The following NRXN1 variants were observed in gnomAD, a reference collection of about 807,000 sequenced individuals.
NRXN1 encodes the protein neurexin 1.
In NRXN1, 39 loss-of-function variants were observed where a neutral mutation model predicts 150.9. That is an observed-to-expected ratio of 0.26 (90% CI 0.20 to 0.34). The LOEUF (loss-of-function observed/expected upper bound fraction) is 0.34, where lower values mean the gene tolerates loss of function less well. NRXN1 is among the 10% of genes least tolerant of loss of function. NRXN1 has a pLI of 1.00. For missense variants in NRXN1, 1,815 were observed against 1,949.9 expected, an observed-to-expected ratio of 0.93 and a Z score of 1.30; for synonymous variants, 924 against 757.0, an observed-to-expected ratio of 1.22 and a Z score of -3.62.
intron 21 of NRXN1, among the ~76,000 whole-genome samples, chr2:49,963,088 A>T (rs763588757): frequency 1.3e-5 from 2 of 152,220 alleles, no homozygotes; most frequent in Non-Finnish European, 2.9e-5. Context: ...GGATGCTGCC[A>T]TTTCTGCCCA....
intron 2 of NRXN1, among the ~76,000 whole-genome samples, chr2:51,022,723 A>G (rs923389801): frequency 2.6e-5 from 4 of 152,150 alleles, no homozygotes; most frequent in African/African-American, 9.7e-5. Flanking sequence ...TACTTATATA[A>G]TAACTACTTA....
At chr2:50,145,299 TAC>T (rs3050734) in intron 18 of NRXN1, among the ~76,000 whole-genome samples, 47,868 of 150,678 alleles carry the variant, frequency 0.32, 7,954 homozygotes, top group Non-Finnish European at 0.37. Flanking sequence ...TCCACACAAA[TAC>T]ACACACACAC....
chr2:50,491,772 A>C (rs534682486), intron 15 of NRXN1, among the ~76,000 whole-genome samples: 2 of 152,240 alleles, frequency 1.3e-5, no homozygotes, highest in African/African-American at 4.8e-5. Context: ...GGAATCTTTA[A>C]TTTTCCCCCT....
intron 17 of NRXN1, among the ~76,000 whole-genome samples, chr2:50,379,154 AT>A (rs1342424254): frequency 1.2e-4 from 18 of 152,294 alleles, no homozygotes; most frequent in Admixed American, 1.1e-3. Flanking sequence ...AGAGAAAGGC[AT>A]TATTCAGAGG....
chr2:50,274,967 A>C (rs952081419), intron 17 of NRXN1, among the ~76,000 whole-genome samples: 3 of 152,196 alleles, frequency 2.0e-5, no homozygotes, highest in Non-Finnish European at 2.9e-5. Context: ...AATTGATGTC[A>C]GATAGCTTAG....
At chr2:50,245,968 A>G (rs749228375) in intron 17 of NRXN1, among the ~76,000 whole-genome samples, 7 of 151,806 alleles carry the variant, frequency 4.6e-5, no homozygotes, top group Non-Finnish European at 1.0e-4. Context: ...ACTAATTCTT[A>G]TTTAGAAAAA....
Position 50,905,448 on chromosome 2 carries a change from T to A in NRXN1, c.832+16421A>T, listed in dbSNP as rs139359737. On this transcript the variant is annotated intron_variant, in intron 5 of 22. Coordinates refer to ENST00000401669, the MANE Select transcript of NRXN1 (RefSeq NM_001330078.2). Reference sequence around the variant, plus strand: ...TTTGGAGAGGCTATGTGCTGCCCAGTGACTTTCAAATTCAATTAAAAATAA... The same window carrying A: ...TTTGGAGAGGCTATGTGCTGCCCAGAGACTTTCAAATTCAATTAAAAATAA... 5.3e-5 allele frequency among the ~76,000 whole-genome samples: 8 copies of A among 152,262 alleles called. No homozygotes were observed. In the East Asian group the frequency reaches 1.4e-3, roughly 26 times the overall value.
chr2:50,033,213 C>T (rs755700067), intron 21 of NRXN1, among the ~76,000 whole-genome samples: 1 of 151,934 alleles, frequency 6.6e-6, no homozygotes, highest in Non-Finnish European at 1.5e-5. Flanking sequence ...ATCATGCTAC[C>T]TGATTTCAAA....
chr2:49,997,003 A>G (rs946308447), intron 21 of NRXN1, among the ~76,000 whole-genome samples: 3 of 152,224 alleles, frequency 2.0e-5, no homozygotes, highest in Non-Finnish European at 2.9e-5. Flanking sequence ...TTTTTATAAA[A>G]TATATTTGCC....
intron 8 of NRXN1, among the ~76,000 whole-genome samples, chr2:50,580,927 T>C (rs1237018526): frequency 6.6e-6 from 1 of 152,158 alleles, no homozygotes; most frequent in African/African-American, 2.4e-5. Flanking sequence ...TCTTAGAATA[T>C]GGCCATACAC....
At chr2:50,255,130 C>T (rs1013541371) in intron 17 of NRXN1, among the ~76,000 whole-genome samples, 2 of 151,790 alleles carry the variant, frequency 1.3e-5, no homozygotes, top group African/African-American at 2.4e-5. Context: ...TTTATAATAA[C>T]GGTTATAAAA....
Position 50,693,146 on chromosome 2 carries a change from G to A in NRXN1, c.833-69531C>T, listed in dbSNP as rs932346162. Among the ~76,000 whole-genome samples, 8 of 152,044 alleles carry A rather than the reference G, an allele frequency of 5.3e-5. No homozygotes were observed. In the East Asian group the frequency reaches 7.7e-4, roughly 15 times the overall value. ...AGTTTCTGATAGGCCAAGGTTTTTCGTATCACAAGGAGAAAGTAGATTTAA... is the reference window on the plus strand; with the variant it reads ...AGTTTCTGATAGGCCAAGGTTTTTCATATCACAAGGAGAAAGTAGATTTAA... On this transcript the variant is annotated intron_variant, in intron 5 of 22. Transcript: ENST00000401669.
At chr2:49,952,800 A>G (rs988728722) in intron 21 of NRXN1, among the ~76,000 whole-genome samples, 4 of 152,118 alleles carry the variant, frequency 2.6e-5, no homozygotes, top group Non-Finnish European at 4.4e-5. Flanking sequence ...TGTCTTCACA[A>G]TGTAAGTGCC....
Position 51,027,782 on chromosome 2 carries a change from G to A in NRXN1, c.492C>T (p.Ala164=), listed in dbSNP as rs201180707. 5.1e-5 allele frequency: 82 copies of A among 1,612,744 alleles called. No homozygotes were observed. Among genetic ancestry groups the A allele is most frequent in the South Asian group, 2.4e-4 (22 of 90,926 alleles). Reference sequence around the variant, plus strand: ...AGGCCAGGGTGAGCTTGAGCGCCGCGGCGCGCAGTTCCGGGGGCAGCCCCC... The same window carrying A: ...AGGCCAGGGTGAGCTTGAGCGCCGCAGCGCGCAGTTCCGGGGGCAGCCCCC... ...FVGGLPPELR[A]AALKLTLASV... Residue 164 remains alanine, a synonymous_variant, in exon 2 of 23, where the codon GCC becomes GCT. Coordinates refer to ENST00000401669, the MANE Select transcript of NRXN1 (RefSeq NM_001330078.2).
chr2:50,981,093 T>C (rs1163529745), intron 2 of NRXN1, among the ~76,000 whole-genome samples: 2 of 152,094 alleles, frequency 1.3e-5, no homozygotes, highest in Non-Finnish European at 2.9e-5. Context: ...CAAGCCCTTC[T>C]GTTGAGGCAG....
chr2:50,736,476 C>T (rs1234881314), intron 5 of NRXN1, among the ~76,000 whole-genome samples: 2 of 152,046 alleles, frequency 1.3e-5, no homozygotes, highest in Non-Finnish European at 2.9e-5. Flanking sequence ...TGTGTCCCCA[C>T]CCAAATCTTA....
intron 21 of NRXN1, among the ~76,000 whole-genome samples, chr2:50,045,598 A>G (rs10169067): frequency 0.33 from 49,454 of 152,120 alleles, 8,450 homozygotes; most frequent in Non-Finnish European, 0.37. Context: ...TAACACAAAC[A>G]TAGGTATGTA....
At chr2:50,475,382 C>T (rs17040693) in intron 15 of NRXN1, among the ~76,000 whole-genome samples, 9,676 of 148,668 alleles carry the variant, frequency 0.065, 433 homozygotes, top group East Asian at 0.22. Flanking sequence ...ATTGAGGCCA[C>T]GGTAGAAAAG....
Position 50,201,967 on chromosome 2 carries a change from C to T in NRXN1, c.3546+34822G>A, listed in dbSNP as rs540500467. 1.3e-4 allele frequency among the ~76,000 whole-genome samples: 20 copies of T among 152,286 alleles called. No individual in the cohort carries two copies. In the South Asian group the frequency reaches 3.9e-3, roughly 30 times the overall value. On this transcript the variant is annotated intron_variant, in intron 18 of 22. Transcript: ENST00000401669. Reference sequence around the variant, plus strand: ...ATTTTCCCCACTGTGATACCTAGGACTATCAAGTCTACTTTTATTCAATAC... The same window carrying T: ...ATTTTCCCCACTGTGATACCTAGGATTATCAAGTCTACTTTTATTCAATAC...
Sources: allele counts gnomAD v4.1 joint callset (sites outside exome capture counted in the v4.1 genomes callset), GRCh38; gene constraint gnomAD v4.1.1; transcripts MANE v1.5; gene names NCBI Gene and HGNC (gene_info 2026-07-23, HGNC 2026-07-21).